The following ZNF518A variants were observed in gnomAD, a reference collection of about 807,000 sequenced individuals.
The protein encoded by ZNF518A is zinc finger protein 518.
A neutral mutation model predicts 102.7 loss-of-function variants in ZNF518A; 47 were observed. That is an observed-to-expected ratio of 0.46 (90% confidence interval 0.36 to 0.58). The LOEUF is 0.58. Among genes scored for constraint, ZNF518A ranks in the 20% least tolerant of loss-of-function variants. The pLI is 0.00. For synonymous variants in ZNF518A, 652 were observed against 594.6 expected, an observed-to-expected ratio of 1.10 and a Z score of -1.40; for missense variants, 1,793 against 1,699.8, an observed-to-expected ratio of 1.05 and a Z score of -0.96.
chr10:96,184,840 T>C (rs1320774525), intron 1 of ZNF518A, among the ~76,000 whole-genome samples: 3 of 152,194 alleles, frequency 2.0e-5, no homozygotes, highest in Admixed American at 2.0e-4. Context: ...TGAATTTGAA[T>C]GTTGGCCTGC....
At chr10:96,192,262 C>G in intron 1 of ZNF518A, among the ~76,000 whole-genome samples, 1 of 152,130 alleles carries the variant, frequency 6.6e-6, no homozygotes, top group East Asian at 1.9e-4. Flanking sequence ...AGGTGGCAGA[C>G]CTTGGACTTT....
At chr10:96,167,290 G>A (rs368440908), downstream of ZNF518A, among the ~76,000 whole-genome samples, 9 of 152,158 alleles carry the variant, frequency 5.9e-5, no homozygotes, top group South Asian at 8.3e-4. Context: ...GTGAAACCCC[G>A]TCTCTACTAA....
rs1190552170 is a variant in ZNF518A at position 96,138,018 on chromosome 10, C to G, written c.-302+4370C>G. On this transcript the variant is annotated intron_variant, in intron 3 of 5. Coordinates refer to ENST00000316045, the MANE Select transcript of ZNF518A (RefSeq NM_001330736.2). ...TCAGAACTTCTAGAGTTATCCTTGA[C>G]ATGTCTCTTTCTTTCAGAGAAAGCA... is the stretch of plus-strand genomic sequence containing the variant. Among the ~76,000 whole-genome samples the G allele has an allele frequency of 2.0e-5, 3 of 151,698 alleles. No individual in the cohort carries two copies. In the East Asian group the frequency reaches 5.8e-4, roughly 29 times the overall value.
chr10:96,158,490 A>G lies in ZNF518A; in HGVS notation c.2168A>G (p.Glu723Gly). 6.2e-7 allele frequency: 1 copy of G among 1,612,544 alleles called. No individual in the cohort carries two copies. Among genetic ancestry groups the G allele is most frequent in the South Asian group, 1.1e-5 (1 of 90,916 alleles). The change falls in exon 6 of 6, where the codon GAA (glutamate) becomes GGA (glycine). Residue 723 changes from glutamate to glycine, a missense_variant. Glu to Gly is a moderately conservative substitution (Grantham distance 98). Coordinates refer to ENST00000316045, the MANE Select transcript of ZNF518A (RefSeq NM_001330736.2). ...KSEIEEQYVLEKGQNIDGQNL... is the reference protein window; with the variant it reads ...KSEIEEQYVLGKGQNIDGQNL... The stretch of plus-strand genomic sequence containing the variant: ...GAAATTGAAGAACAGTATGTTTTAG[A>G]AAAAGGACAAAACATTGATGGACAA...
chr10:96,191,702 T>C (rs1019849760), intron 1 of ZNF518A: 28 of 316,712 alleles, frequency 8.8e-5, no homozygotes, highest in Middle Eastern at 2.1e-3. Flanking sequence ...TTTACACTTA[T>C]TTTTAAAAAT....
intron 1 of ZNF518A, among the ~76,000 whole-genome samples, chr10:96,184,575 G>A (rs1186501602): frequency 1.3e-5 from 2 of 152,126 alleles, no homozygotes; most frequent in Non-Finnish European, 2.9e-5. Context: ...TAGTTTGGCT[G>A]GATATGAAAT....
chr10:96,199,955 C>A, intron 1 of ZNF518A: 1 of 576,198 alleles, frequency 1.7e-6, no homozygotes, highest in Non-Finnish European at 2.6e-6. Context: ...ACTTGGGAGG[C>A]AGGCAGAGGT....
At chr10:96,140,524 AAAAG>A (rs1252026433) in intron 3 of ZNF518A, among the ~76,000 whole-genome samples, 1 of 152,210 alleles carries the variant, frequency 6.6e-6, no homozygotes, top group Non-Finnish European at 1.5e-5. Context: ...GACAAACAGA[AAAAG>A]AAAAGAGCAA....
At chr10:96,139,827 G>A (rs1271536038) in intron 3 of ZNF518A, among the ~76,000 whole-genome samples, 3 of 152,036 alleles carry the variant, frequency 2.0e-5, no homozygotes, top group African/African-American at 7.2e-5. Flanking sequence ...TAGGAAGAGA[G>A]GAAGGGAAAT....
intron 1 of ZNF518A, among the ~76,000 whole-genome samples, chr10:96,202,900 C>T (rs1554896580): frequency 2.0e-5 from 3 of 152,190 alleles, no homozygotes; most frequent in African/African-American, 7.2e-5. Flanking sequence ...AGCTATTATG[C>T]CCATTTTATA....
intron 1 of ZNF518A, among the ~76,000 whole-genome samples, chr10:96,179,913 C>G (rs1245861748): frequency 7.1e-6 from 1 of 140,430 alleles, no homozygotes; most frequent in Admixed American, 7.7e-5. Flanking sequence ...GAGTCTCGCT[C>G]TCTAGCTCAG....
intron 1 of ZNF518A, among the ~76,000 whole-genome samples, chr10:96,173,601 C>T (rs1243350245): frequency 6.6e-6 from 1 of 152,012 alleles, no homozygotes; most frequent in Admixed American, 6.6e-5. Context: ...CATATATGCA[C>T]CTAATAACAG....
intron 3 of ZNF518A, among the ~76,000 whole-genome samples, chr10:96,141,068 A>G (rs2081899792): frequency 6.6e-6 from 1 of 152,176 alleles, no homozygotes; most frequent in African/African-American, 2.4e-5. Flanking sequence ...TTAATCTAAA[A>G]TCATAGTCAT....
At chr10:96,191,803 A>G in intron 1 of ZNF518A, 1 of 823,800 alleles carries the variant, frequency 1.2e-6, no homozygotes, top group Non-Finnish European at 2.0e-6. Flanking sequence ...GAACAAGTCC[A>G]CATGAGCTTC....
intron 1 of ZNF518A, chr10:96,201,043 C>T (rs1554896019): frequency 2.5e-6 from 4 of 1,613,870 alleles, no homozygotes; most frequent in African/African-American, 2.7e-5. Context: ...AGTTGGGTTT[C>T]CCCCTTCTGT....
rs1476904437 is a variant in ZNF518A, at chr10:96,133,655, A to G, written c.-302+7A>G. The G allele has an allele frequency of 6.6e-6, 1 of 152,230 alleles. No individual in the cohort carries two copies. The highest frequency in any genetic ancestry group is 6.5e-5 in the Admixed American group (1 of 15,292). 9.4% of individuals were successfully genotyped at this position (152,230 alleles called of 1,614,324 possible). ...TAAAATTCCTCTAAATGCAGTAAGT[A>G]TACACATAAGTATGACCGTAAATTA... On this transcript the variant is annotated splice_region_variant and intron_variant, in intron 3 of 5. Transcript: ENST00000316045.
At chr10:96,186,485 C>T (rs1554892581) in intron 1 of ZNF518A, among the ~76,000 whole-genome samples, 2 of 152,132 alleles carry the variant, frequency 1.3e-5, no homozygotes, top group Admixed American at 1.3e-4. Context: ...GCAACCTTCG[C>T]CTCCTGGGTT....
downstream of ZNF518A, among the ~76,000 whole-genome samples, chr10:96,165,486 A>G (rs1246521654): frequency 3.5e-4 from 48 of 138,994 alleles, no homozygotes; most frequent in African/African-American, 1.2e-3. Context: ...AAAAAAAAAA[A>G]AAACAGACAC....
rs1554888777 is a variant in ZNF518A at position 96,162,847 on chromosome 10, A to G, written c.*2073A>G. 6.0e-6 allele frequency: 1 copy of G among 166,994 alleles called. No homozygotes were observed. The highest frequency in any genetic ancestry group is 1.5e-5 in the Non-Finnish European group (1 of 68,050). The allele number at this position is 166,994 out of a possible 1,614,324, so 10.3% of individuals were successfully genotyped here. On this transcript the variant is annotated 3_prime_UTR_variant, in exon 6 of 6. Transcript: ENST00000316045. Reference sequence around the variant, plus strand: ...GCTAGTTAACTCTACAAGATAGATAAAAGTGTGGGATTTTTTTTCTTCCCA... The same window carrying G: ...GCTAGTTAACTCTACAAGATAGATAGAAGTGTGGGATTTTTTTTCTTCCCA...
Sources: gnomAD v4.1 joint callset for allele counts (sites outside exome capture counted in the v4.1 genomes callset) on GRCh38, gnomAD v4.1.1 for gene constraint, MANE v1.5 for transcripts, NCBI Gene and HGNC (gene_info 2026-07-23, HGNC 2026-07-21) for gene names.